GK3: variants seen among roughly 807,000 people sequenced by gnomAD.
GK3 encodes the protein glycerol kinase 3 pseudogene.
At chr4:165,278,860 A>G in the GK3 span, 3 of 1,514,626 alleles carry the variant, frequency 2.0e-6, no homozygotes, top group African/African-American at 2.7e-5. Flanking sequence ...CCACCAGTGC[A>G]GCAGACTGGT....
the GK3 span, chr4:165,279,265 A>G: frequency 9.8e-5 from 150 of 1,532,664 alleles, no homozygotes; most frequent in Non-Finnish European, 1.3e-4. Flanking sequence ...GAATTCTTTT[A>G]CTAAGACTCT....
the GK3 span, chr4:165,278,050 C>G: frequency 6.5e-7 from 1 of 1,532,700 alleles, no homozygotes; most frequent in Non-Finnish European, 9.0e-7. Flanking sequence ...TAAAAAAGCC[C>G]AAGGGCAGAC....
chr4:165,278,112 C>G, the GK3 span: 14 of 1,555,260 alleles, frequency 9.0e-6, no homozygotes, highest in Middle Eastern at 8.4e-4. Context: ...GTAACCCAAC[C>G]CATTGACTTC....
At chr4:165,278,025 C>T in the GK3 span, 6 of 1,481,124 alleles carry the variant, frequency 4.1e-6, no homozygotes, top group Non-Finnish European at 4.7e-6. Flanking sequence ...ATTAACATTG[C>T]CATGCTACTC....
At chr4:165,278,232 A>T in the GK3 span, 1 of 1,155,486 alleles carries the variant, frequency 8.7e-7, no homozygotes, top group Non-Finnish European at 1.3e-6. Context: ...TCAAGACTCC[A>T]TACGTCGACT....
At chr4:165,278,477 C>T in the GK3 span, 1 of 1,584,622 alleles carries the variant, frequency 6.3e-7, no homozygotes. Flanking sequence ...AGCAATATGG[C>T]ATTTATTCGT....
chr4:165,278,665 A>G, the GK3 span: 7 of 1,599,108 alleles, frequency 4.4e-6, no homozygotes, highest in Non-Finnish European at 6.0e-6. Context: ...AGCGAATAAC[A>G]GCACCAGCTA....
At chr4:165,279,470 T>C in the GK3 span, 4 of 1,596,184 alleles carry the variant, frequency 2.5e-6, no homozygotes, top group Admixed American at 1.7e-5. Context: ...ATGTAGAATT[T>C]CCTTAGGGTC....
chr4:165,278,231 C>T, the GK3 span: 2 of 1,148,914 alleles, frequency 1.7e-6, no homozygotes, highest in Non-Finnish European at 2.6e-6. Flanking sequence ...TTCAAGACTC[C>T]ATACGTCGAC....
chr4:165,278,944 C>T, the GK3 span: 656 of 1,463,228 alleles, frequency 4.5e-4, no homozygotes, highest in Admixed American at 6.3e-4. Context: ...CAGAAGAACT[C>T]CGAACATGTG....
chr4:165,278,850 C>T, the GK3 span: 1 of 1,526,992 alleles, frequency 6.5e-7, no homozygotes, highest in Admixed American at 1.7e-5. Context: ...CACATTTGTC[C>T]CACCAGTGCA....
the GK3 span, chr4:165,278,566 G>T: frequency 2.5e-6 from 4 of 1,609,966 alleles, no homozygotes; most frequent in Non-Finnish European, 3.4e-6. Flanking sequence ...ATGCTGGGAC[G>T]AAGTAGCAGC....
At chr4:165,278,310 C>T in the GK3 span, 1 of 1,087,234 alleles carries the variant, frequency 9.2e-7, no homozygotes, top group East Asian at 2.4e-5. Flanking sequence ...GGCTTCACTA[C>T]TGGAATATAC....
chr4:165,279,618 C>A, the GK3 span: 1 of 1,611,546 alleles, frequency 6.2e-7, no homozygotes, highest in Non-Finnish European at 8.5e-7. Context: ...ACCAATGGCC[C>A]CAAAACTGCC....
At chr4:165,279,091 A>G in the GK3 span, 6 of 1,572,124 alleles carry the variant, frequency 3.8e-6, no homozygotes, top group Non-Finnish European at 5.3e-6. Flanking sequence ...CTCCTGTCAA[A>G]CTCCAAATAA....
the GK3 span, chr4:165,278,704 T>C: frequency 1.2e-6 from 2 of 1,604,586 alleles, no homozygotes; most frequent in Non-Finnish European, 1.7e-6. Context: ...AAGCGTAATA[T>C]ACCGGTTTGT....
chr4:165,278,926 A>G, the GK3 span: 8 of 1,426,168 alleles, frequency 5.6e-6, no homozygotes, highest in Middle Eastern at 1.7e-4. Flanking sequence ...TCATTAGGCC[A>G]TAGATCTCAG....
chr4:165,279,259 TCTTTTA>T, the GK3 span: 1 of 1,534,048 alleles, frequency 6.5e-7, no homozygotes, highest in Admixed American at 1.7e-5. Context: ...TTCCTGGAAT[TCTTTTA>T]CTAAGACTCT....
At chr4:165,278,547 A>G in the GK3 span, 16 of 1,611,032 alleles carry the variant, frequency 9.9e-6, no homozygotes, top group Middle Eastern at 1.7e-4. Flanking sequence ...GGTGCATATA[A>G]CCCCGAAAAT....
Sources: allele counts gnomAD v4.1 joint callset, GRCh38; gene constraint gnomAD v4.1.1; transcripts MANE v1.5; gene names NCBI Gene and HGNC (gene_info 2026-07-23, HGNC 2026-07-21).